Variants in ERI1 observed in about 807,000 individuals in gnomAD.
The protein encoded by ERI1 is exoribonuclease 1, also known as 3'-5' exoribonuclease 1.
A neutral mutation model predicts 39.7 loss-of-function variants in ERI1; 39 were observed. The ratio of observed to expected loss-of-function variants is 0.98; its 90% CI spans 0.76 to 1.28. ERI1 has a LOEUF of 1.28. Among genes scored for constraint, ERI1 ranks in the 50% most tolerant of loss-of-function variants. The pLI is 0.00. For missense variants in ERI1, 581 were observed against 416.9 expected (o/e 1.39, Z -3.43); for synonymous variants, 204 against 149.6 (o/e 1.36, Z -2.65).
chr8:9,022,107 C>G (rs1044756410), intron 6 of ERI1, among the ~76,000 whole-genome samples: 1 of 151,954 alleles, frequency 6.6e-6, no homozygotes, highest in African/African-American at 2.4e-5. Flanking sequence ...AGTTTGCACT[C>G]TTATCAGTGC....
intron 3 of ERI1, among the ~76,000 whole-genome samples, chr8:9,077,528 G>A (rs1799245069): frequency 6.6e-6 from 1 of 152,198 alleles, no homozygotes; most frequent in Non-Finnish European, 1.5e-5. Flanking sequence ...AGGGGCTGGG[G>A]GCTCCTGGAG....
chr8:9,041,742 T>C (rs1366890200), intron 3 of ERI1, among the ~76,000 whole-genome samples: 2 of 152,202 alleles, frequency 1.3e-5, no homozygotes, highest in Non-Finnish European at 2.9e-5. Flanking sequence ...TAGAGAGATT[T>C]CTTTCTTTTT....
At chr8:9,021,986 T>C (rs147834544) in intron 6 of ERI1, among the ~76,000 whole-genome samples, 1 of 152,170 alleles carries the variant, frequency 6.6e-6, no homozygotes, top group East Asian at 1.9e-4. Context: ...CTGGTGTCTG[T>C]GCACTCGTTT....
chr8:9,024,864 T>G (rs926997856), intron 6 of ERI1, among the ~76,000 whole-genome samples: 2 of 152,164 alleles, frequency 1.3e-5, no homozygotes, highest in African/African-American at 2.4e-5. Context: ...AATTTTAGAT[T>G]GAATTTAAGA....
intron 3 of ERI1, among the ~76,000 whole-genome samples, chr8:9,043,395 C>G (rs548247071): frequency 2.0e-5 from 3 of 152,196 alleles, no homozygotes; most frequent in Non-Finnish European, 4.4e-5. Context: ...ATCATTCTGT[C>G]TTACTTTTTA....
chr8:9,077,645 A>G (rs889348651), intron 3 of ERI1, among the ~76,000 whole-genome samples: 6 of 152,240 alleles, frequency 3.9e-5, no homozygotes, highest in East Asian at 1.9e-4. Context: ...AGCAGACCTC[A>G]GAGGAATACA....
At chr8:9,088,578 C>G (rs1019307963) in intron 3 of ERI1, 1 of 152,186 alleles carries the variant, frequency 6.6e-6, no homozygotes, top group African/African-American at 2.4e-5. Context: ...CAGTGAGTAT[C>G]TCTCTGTGTG....
At chr8:9,016,084 G>C (rs1443012728) in intron 3 of ERI1, among the ~76,000 whole-genome samples, 1 of 151,858 alleles carries the variant, frequency 6.6e-6, no homozygotes, top group Non-Finnish European at 1.5e-5. Context: ...TTAAATTTTG[G>C]GTTGAAATCT....
chr8:9,040,107 C>T (rs79717891), intron 3 of ERI1, among the ~76,000 whole-genome samples: 4,535 of 152,180 alleles, frequency 0.03, 226 homozygotes, highest in African/African-American at 0.1. Flanking sequence ...AGAAGAACAG[C>T]TGTTTGTAGC....
At chr8:9,035,548 C>T (rs1053863685), downstream of ERI1, among the ~76,000 whole-genome samples, 1 of 151,930 alleles carries the variant, frequency 6.6e-6, no homozygotes. Flanking sequence ...GCTGTTGAGA[C>T]TTAGTGCTCA....
At chr8:9,066,975 A>G (rs186241225) in intron 3 of ERI1, among the ~76,000 whole-genome samples, 1 of 152,330 alleles carries the variant, frequency 6.6e-6, no homozygotes, top group African/African-American at 2.4e-5. Context: ...ATAAACGCCC[A>G]TGAACTGGGA....
At chr8:9,064,036 G>A (rs1798786982) in intron 3 of ERI1, among the ~76,000 whole-genome samples, 1 of 151,872 alleles carries the variant, frequency 6.6e-6, no homozygotes, top group East Asian at 1.9e-4. Flanking sequence ...AAGGGGTTGG[G>A]GTGTGTAAAT....
At chr8:9,069,070 C>T (rs1248690280) in intron 3 of ERI1, among the ~76,000 whole-genome samples, 1 of 152,208 alleles carries the variant, frequency 6.6e-6, no homozygotes, top group African/African-American at 2.4e-5. Context: ...CCTCCCACCT[C>T]AGCCTCGCAA....
intron 3 of ERI1, among the ~76,000 whole-genome samples, chr8:9,060,901 T>C (rs1456630316): frequency 1.3e-5 from 2 of 152,234 alleles, no homozygotes; most frequent in African/African-American, 4.8e-5. Flanking sequence ...AGCAGAGTTT[T>C]TATTAAAGAG....
intron 3 of ERI1, among the ~76,000 whole-genome samples, chr8:9,040,109 G>C (rs1166177754): frequency 6.6e-6 from 1 of 152,182 alleles, no homozygotes; most frequent in Non-Finnish European, 1.5e-5. Flanking sequence ...AAGAACAGCT[G>C]TTTGTAGCAG....
chr8:9,044,123 A>G (rs1275232991), intron 3 of ERI1, among the ~76,000 whole-genome samples: 1 of 152,216 alleles, frequency 6.6e-6, no homozygotes, highest in African/African-American at 2.4e-5. Context: ...GTTAAATAGG[A>G]TATCATCTGA....
chr8:9,010,335 AAG>A (rs751497783), intron 2 of ERI1, among the ~76,000 whole-genome samples: 1 of 151,368 alleles, frequency 6.6e-6, no homozygotes, highest in African/African-American at 2.5e-5. Context: ...AAGATAAAAA[AAG>A]AAAGTAATCC....
In ERI1 at chr8:9,003,059, C is replaced by T; in HGVS notation, c.-5C>T. 22 of 1,246,110 alleles carry T rather than the reference C, an allele frequency of 1.8e-5. No individual in the cohort carries two copies. The highest frequency in any genetic ancestry group is 2.1e-5 in the Non-Finnish European group (21 of 986,982). 77.2% of individuals were successfully genotyped at this position (1,246,110 alleles called of 1,614,324 possible). On this transcript the variant is annotated 5_prime_UTR_variant, in exon 1 of 7. Coordinates refer to ENST00000250263, the MANE Select transcript of ERI1 (RefSeq NM_153332.4). Reference sequence around the variant, plus strand: ...CAGCAACTCTCCTCTGGCGTGACAGCCGGCATGGAGGATCCACAGAGTAAA... The same window carrying T: ...CAGCAACTCTCCTCTGGCGTGACAGTCGGCATGGAGGATCCACAGAGTAAA...
chr8:9,029,977 C>T lies in ERI1; in HGVS notation c.993C>T (p.Ser331=), dbSNP rs780267950. ...KMHAGQLMSV[S]SSLPIEGTPP... ...ATGCAGGACAGCTAATGAGTGTGTC[C>T]TCTTCCTTACCAATAGAGGGCACTC... The change falls in exon 7 of 7, where the codon TCC becomes TCT. Residue 331 remains serine (S), a synonymous_variant. Coordinates refer to ENST00000250263, the MANE Select transcript of ERI1 (RefSeq NM_153332.4). 6.2e-7 allele frequency: 1 copy of T among 1,614,006 alleles called. No homozygotes were observed. The highest frequency in any genetic ancestry group is 1.3e-5 in the African/African-American group (1 of 74,908).
Sources: allele counts gnomAD v4.1 joint callset (sites outside exome capture counted in the v4.1 genomes callset), GRCh38; gene constraint gnomAD v4.1.1; transcripts MANE v1.5; gene names NCBI Gene and HGNC (gene_info 2026-07-23, HGNC 2026-07-21).